Variants in DNPEP observed in about 807,000 individuals in gnomAD.
The protein encoded by DNPEP is aspartyl aminopeptidase.
A neutral mutation model predicts 59.1 loss-of-function variants in DNPEP; 46 were observed. That is an observed-to-expected ratio of 0.78 (90% CI 0.61 to 0.99). The LOEUF is 0.99. Ranked by LOEUF, DNPEP falls within the 50% of genes least tolerant of loss-of-function variation. The pLI is 0.00. For synonymous variants in DNPEP, 229 were observed against 242.2 expected, an observed-to-expected ratio of 0.95 and a Z score of 0.50; for missense variants, 617 against 649.9, an observed-to-expected ratio of 0.95 and a Z score of 0.55.
chr2:219,386,337 C>T lies in DNPEP; in HGVS notation c.408G>A (p.Trp136Ter), dbSNP rs1225089812. 2 of 1,614,074 alleles carry T rather than the reference C, an allele frequency of 1.2e-6. No homozygotes were observed. Among genetic ancestry groups the T allele is most frequent in the African/African-American group, 2.7e-5 (2 of 74,906 alleles). The change falls in exon 5 of 15, where the codon TGG becomes TGA. Residue 136 changes from tryptophan to a stop codon, truncating the protein, a stop_gained. Coordinates refer to ENST00000273075, the MANE Select transcript of DNPEP (RefSeq NM_012100.4). LOFTEE classifies it high-confidence loss of function. ...TCAGGTCACGGTCAAACCAGGTGCT[C>T]CAGATCCCACCACCATAGGTCTCCA... Reference protein sequence around the residue: ...VGVETYGGGIWSTWFDRDLTL... With the variant: ...VGVETYGGGI
intron 1 of DNPEP, among the ~76,000 whole-genome samples, chr2:219,396,133 G>A (rs1389245526): frequency 6.6e-6 from 1 of 152,224 alleles, no homozygotes. Context: ...GGGCTAGGGA[G>A]GATTTGGGGA....
Position 219,383,195 on chromosome 2 carries a change from G to C in DNPEP, c.872C>G (p.Ala291Gly), listed in dbSNP as rs185824214. 7.3e-4 allele frequency: 1,175 copies of C among 1,614,152 alleles called. 8 individuals are homozygous for C. The African/African-American group carries it at 0.014, about 19-fold the overall frequency. The change falls in exon 10 of 15, where the codon GCA becomes GGA. Residue 291 changes from alanine to glycine, a missense_variant. Coordinates refer to ENST00000273075, the MANE Select transcript of DNPEP (RefSeq NM_012100.4). The part of the protein sequence containing the change: ...CALQALIDSC[A>G]GPGSLATEPH... ...CTCTGTGGCCAGGGAGCCAGGGCCTGCACAGGAATCTATCAAGGCCTGGTT... is the reference window on the plus strand; with the variant it reads ...CTCTGTGGCCAGGGAGCCAGGGCCTCCACAGGAATCTATCAAGGCCTGGTT...
intron 14 of DNPEP, among the ~76,000 whole-genome samples, 199 bp from the exon 15 acceptor site, chr2:219,374,541 G>A (rs1953291313): frequency 6.6e-6 from 1 of 152,162 alleles, no homozygotes; most frequent in African/African-American, 2.4e-5. Flanking sequence ...CAGGGCCCCT[G>A]AGCCTTGAGA....
intron 13 of DNPEP, among the ~76,000 whole-genome samples, chr2:219,375,557 A>T (rs930546010): frequency 6.7e-6 from 1 of 150,026 alleles, no homozygotes; most frequent in African/African-American, 2.4e-5. Context: ...AAAAATTTTT[A>T]TTTTATTTTA....
chr2:219,396,966 G>T (rs886758189), intron 1 of DNPEP, among the ~76,000 whole-genome samples: 6 of 152,184 alleles, frequency 3.9e-5, no homozygotes, highest in African/African-American at 1.2e-4. Flanking sequence ...AAAACAAAGA[G>T]GTATAGGAAA....
At chr2:219,378,763 T>C (rs773524660) in intron 13 of DNPEP, among the ~76,000 whole-genome samples, 1 of 152,220 alleles carries the variant, frequency 6.6e-6, no homozygotes, top group African/African-American at 2.4e-5. Flanking sequence ...TGTGGCATAA[T>C]GCATGACTCA....
intron 8 of DNPEP, 23 bp from the exon 9 acceptor site, chr2:219,384,466 C>T (rs962686209): frequency 2.1e-5 from 33 of 1,596,448 alleles, no homozygotes; most frequent in Non-Finnish European, 2.6e-5. Context: ...GACAGTCAGC[C>T]CGACCTTCAA....
At chr2:219,380,782 A>T (rs973430791) in intron 13 of DNPEP, among the ~76,000 whole-genome samples, 2 of 150,454 alleles carry the variant, frequency 1.3e-5, no homozygotes, top group African/African-American at 4.9e-5. Flanking sequence ...ATATGTGTGT[A>T]TATGTGTATA....
chr2:219,385,835 C>CA, intron 6 of DNPEP, 129 bp from the exon 7 acceptor site: 1 of 1,456,702 alleles, frequency 6.9e-7, no homozygotes, highest in Non-Finnish European at 9.3e-7. Flanking sequence ...CCCCAAATCA[C>CA]AAGGCTGTGA....
rs374564807 is a variant in DNPEP at position 219,382,157 on chromosome 2, C to G, written c.937-18G>C. ...GACCCCACCTGGCGACAGTAGAGTCCTGACTCTGGGAATCTGGGCTTAGGG... is the reference window on the plus strand; with the variant it reads ...GACCCCACCTGGCGACAGTAGAGTCGTGACTCTGGGAATCTGGGCTTAGGG... On this transcript the variant is annotated intron_variant, in intron 10 of 14. Coordinates refer to ENST00000273075, the MANE Select transcript of DNPEP (RefSeq NM_012100.4). 15 of 1,603,142 alleles carry G rather than the reference C, an allele frequency of 9.4e-6. No homozygotes were observed. The highest frequency in any genetic ancestry group is 1.1e-5 in the Non-Finnish European group (13 of 1,178,060).
At chr2:219,391,767 A>G (rs967781917), upstream of DNPEP, among the ~76,000 whole-genome samples, 2 of 151,964 alleles carry the variant, frequency 1.3e-5, no homozygotes, top group African/African-American at 2.4e-5. Flanking sequence ...GCAGAACCTC[A>G]GGGCTTACCC....
At chr2:219,394,073 G>T (rs1954058961) in intron 1 of DNPEP, among the ~76,000 whole-genome samples, 1 of 152,010 alleles carries the variant, frequency 6.6e-6, no homozygotes, top group African/African-American at 2.4e-5. Flanking sequence ...TCTCCCTCCA[G>T]CAGTGGCCTC....
In DNPEP at chr2:219,372,618, C is replaced by T. The variant is rs1238846106; in HGVS notation, c.*1674G>A. Among the ~76,000 whole-genome samples, 1 of 152,128 alleles carries T rather than the reference C, an allele frequency of 6.6e-6. No individual in the cohort carries two copies. Among genetic ancestry groups the T allele is most frequent in the South Asian group, 2.1e-4 (1 of 4,828 alleles). On this transcript the variant is annotated 3_prime_UTR_variant, in exon 15 of 15. Coordinates refer to ENST00000273075, the MANE Select transcript of DNPEP (RefSeq NM_012100.4). ...CTGACCTCAAGTGATCTGCCCACCT[C>T]GGCCTCCCAAAGTGCTGGGATTACA...
At chr2:219,388,274 G>T (rs1953941066), upstream of DNPEP, among the ~76,000 whole-genome samples, 1 of 64,920 alleles carries the variant, frequency 1.5e-5, no homozygotes, top group African/African-American at 6.1e-5. Flanking sequence ...TCCGGCCCTC[G>T]CTGTACCCCA....
upstream of DNPEP, among the ~76,000 whole-genome samples, chr2:219,389,251 C>T (rs1330565435): frequency 6.6e-6 from 1 of 152,134 alleles, no homozygotes; most frequent in East Asian, 1.9e-4. Flanking sequence ...CGTTTAAACC[C>T]CATGCACCTT....
intron 1 of DNPEP, among the ~76,000 whole-genome samples, chr2:219,397,545 G>A (rs902555354): frequency 6.6e-6 from 1 of 152,134 alleles, no homozygotes; most frequent in African/African-American, 2.4e-5. Context: ...GGAACAAGGA[G>A]TTCAGATTAA....
intron 1 of DNPEP, among the ~76,000 whole-genome samples, chr2:219,396,023 G>A (rs1251100170): frequency 6.6e-6 from 1 of 152,162 alleles, no homozygotes; most frequent in Non-Finnish European, 1.5e-5. Flanking sequence ...AGGAACGAGT[G>A]GTTGCTAAAT....
At chr2:219,386,805 G>A (rs763248837) in intron 3 of DNPEP, 27 bp from the exon 4 acceptor site, 4 of 1,609,788 alleles carry the variant, frequency 2.5e-6, no homozygotes, top group Non-Finnish European at 3.4e-6. Context: ...GAAAGACAGG[G>A]GTGTGAGTTG....
chr2:219,388,071 TG>T, upstream of DNPEP: 1 of 380,006 alleles, frequency 2.6e-6, no homozygotes. Flanking sequence ...GCCCCGCCCT[TG>T]CCCCGCCCCT....
Sources: allele counts gnomAD v4.1 joint callset (sites outside exome capture counted in the v4.1 genomes callset), GRCh38; gene constraint gnomAD v4.1.1; transcripts MANE v1.5; gene names NCBI Gene and HGNC (gene_info 2026-07-23, HGNC 2026-07-21).